The following TRIM23 variants were observed in gnomAD, a reference collection of about 807,000 sequenced individuals.
TRIM23 encodes the protein E3 ubiquitin-protein ligase TRIM23.
A neutral mutation model predicts 71.0 loss-of-function variants in TRIM23; 27 were observed. The ratio of observed to expected loss-of-function variants is 0.38; its 90% CI spans 0.28 to 0.52. TRIM23 has a LOEUF of 0.52. Among genes scored for constraint, TRIM23 ranks in the 20% least tolerant of loss-of-function variants. The pLI is 0.84. For missense variants in TRIM23, 482 were observed against 692.3 expected (o/e 0.70, Z 3.41); for synonymous variants, 234 against 238.0 (o/e 0.98, Z 0.16).
At chr5:65,603,606 GCTA>G (rs1380502657) in intron 7 of TRIM23, among the ~76,000 whole-genome samples, 1 of 152,164 alleles carries the variant, frequency 6.6e-6, no homozygotes, top group African/African-American at 2.4e-5. Context: ...AGGCATAAAA[GCTA>G]GATTTCTCTG....
intron 7 of TRIM23, 167 bp downstream of exon 7, chr5:65,604,744 T>C: frequency 1.9e-6 from 1 of 519,788 alleles, no homozygotes; most frequent in South Asian, 5.0e-5. Flanking sequence ...TTAGTATATG[T>C]GCTGCCGAAG....
intron 1 of TRIM23, among the ~76,000 whole-genome samples, chr5:65,622,731 G>T (rs1191255043): frequency 6.6e-6 from 1 of 152,080 alleles, no homozygotes; most frequent in Admixed American, 6.6e-5. Context: ...CACAGTTCAG[G>T]AATATTTTAC....
chr5:65,613,764 A>T, intron 3 of TRIM23: 1 of 1,233,418 alleles, frequency 8.1e-7, no homozygotes, highest in South Asian at 1.4e-5. Context: ...TTTACTGTTG[A>T]CTACTTTTGC....
At position 65,618,374 on chromosome 5, in the gene TRIM23, A is replaced by G. The variant is rs1022856514; in HGVS notation, c.82-119T>C. On this transcript the variant is annotated intron_variant, in intron 1 of 10. Coordinates refer to ENST00000231524, the MANE Select transcript of TRIM23 (RefSeq NM_001656.4). ...AACATTGTTACTTTATTCCTCTATG[A>G]AAAAAAAACTATGTAGGTTGTAAAA... 5.7e-6 allele frequency: 6 copies of G among 1,057,660 alleles called. No homozygotes were observed. In the African/African-American group the frequency reaches 8.3e-5, roughly 15 times the overall value. The allele number at this position is 1,057,660 out of a possible 1,614,324, so 65.5% of individuals were successfully genotyped here.
At chr5:65,615,344 A>G (rs1754751939) in intron 2 of TRIM23, among the ~76,000 whole-genome samples, 1 of 152,088 alleles carries the variant, frequency 6.6e-6, no homozygotes, top group Admixed American at 6.6e-5. Context: ...CAACATACAC[A>G]CTCTTCCTGA....
chr5:65,604,763 C>A, intron 7 of TRIM23, 148 bp downstream of exon 7: 2 of 639,232 alleles, frequency 3.1e-6, no homozygotes, highest in Non-Finnish European at 4.8e-6. Context: ...AGTGAGCACA[C>A]CATTTCTATT....
intron 6 of TRIM23, chr5:65,606,996 C>G (rs1160628943): frequency 6.6e-6 from 1 of 152,160 alleles, no homozygotes; most frequent in Non-Finnish European, 1.5e-5. Flanking sequence ...GTTAGCTACT[C>G]AATACATATT....
intron 3 of TRIM23, chr5:65,613,791 T>C (rs1754712499): frequency 3.1e-6 from 4 of 1,289,586 alleles, no homozygotes; most frequent in East Asian, 5.1e-5. Context: ...TTCTCTACTG[T>C]TGCTTACATA....
At chr5:65,612,662 TC>T (rs1356263365) in intron 3 of TRIM23, among the ~76,000 whole-genome samples, 1 of 151,814 alleles carries the variant, frequency 6.6e-6, no homozygotes, top group African/African-American at 2.4e-5. Context: ...CTACTAAACA[TC>T]CAAAAATTAG....
rs758438496 is a variant in TRIM23 at position 65,611,837 on chromosome 5, TAC to T, written c.409_410del (p.Val137IlefsTer12). ...AATGAGTTGCACACACAGTGCAATA[TAC>T]AGAGGCAAGGTGAGCTTCATCTTCA... The part of the protein sequence containing the change: ...CDEDEAHLAS[V>X]YCTVCATHLC... On this transcript the variant is annotated frameshift_variant, in exon 4 of 11. Coordinates refer to ENST00000231524, the MANE Select transcript of TRIM23 (RefSeq NM_001656.4). LOFTEE classifies it high-confidence loss of function. 2 of 1,614,086 alleles carry T rather than the reference TAC, an allele frequency of 1.2e-6. No individual in the cohort carries two copies. The highest frequency in any genetic ancestry group is 1.7e-6 in the Non-Finnish European group (2 of 1,179,946).
intron 5 of TRIM23, among the ~76,000 whole-genome samples, 187 bp from the exon 6 acceptor site, chr5:65,609,645 G>C (rs540583851): frequency 6.6e-6 from 1 of 152,120 alleles, no homozygotes; most frequent in Non-Finnish European, 1.5e-5. Context: ...CGGGAGGATT[G>C]ATTGAGCCCC....
intron 7 of TRIM23, chr5:65,604,655 A>T (rs1444876307): frequency 1.3e-5 from 4 of 299,816 alleles, no homozygotes; most frequent in Non-Finnish European, 2.4e-5. Context: ...TTACTTTTTT[A>T]AATTTAAAAA....
chr5:65,615,459 T>A (rs2150639946), intron 2 of TRIM23, among the ~76,000 whole-genome samples: 1 of 152,182 alleles, frequency 6.6e-6, no homozygotes, highest in South Asian at 2.1e-4. Context: ...TACATATTCA[T>A]TAAATGAATA....
intron 9 of TRIM23, among the ~76,000 whole-genome samples, chr5:65,595,725 C>A (rs1482707920): frequency 6.7e-6 from 1 of 149,148 alleles, no homozygotes. Context: ...GATTCTGTCT[C>A]AAAAAAAAAA....
At chr5:65,598,784 G>A (rs144162934) in intron 7 of TRIM23, among the ~76,000 whole-genome samples, 6 of 151,066 alleles carry the variant, frequency 4.0e-5, no homozygotes, top group Admixed American at 2.0e-4. Flanking sequence ...GGGATTGTAC[G>A]CCATGACCAA....
rs1754458727 is a variant in TRIM23, at chr5:65,605,017, T to A, written c.1073A>T (p.Gln358Leu). ...TGTTTCCAGTAACCTTGTAATTTCC[T>A]GTTTTGCCAAGACAACTCTACAATC... ...QDDCRVVLAKQEITRLLETLQ... is the reference protein window; with the variant it reads ...QDDCRVVLAKLEITRLLETLQ... The change falls in exon 7 of 11, where the codon CAG becomes CTG. Residue 358 changes from glutamine (Q) to leucine (L), a missense_variant. Physicochemically the swap from Gln to Leu is moderately radical, Grantham distance 113. Coordinates refer to ENST00000231524, the MANE Select transcript of TRIM23 (RefSeq NM_001656.4). The A allele has an allele frequency of 6.2e-7, 1 of 1,613,582 alleles. No individual in the cohort carries two copies. The highest frequency in any genetic ancestry group is 8.5e-7 in the Non-Finnish European group (1 of 1,179,944).
At position 65,618,085 on chromosome 5, in the gene TRIM23, T is replaced by C. The variant is rs755833334; in HGVS notation, c.244+8A>G. 3 of 1,588,358 alleles carry C rather than the reference T, an allele frequency of 1.9e-6. No homozygotes were observed. The South Asian group carries it at 3.4e-5, about 18-fold the overall frequency. On this transcript the variant is annotated splice_region_variant and intron_variant, in intron 2 of 10. Transcript: ENST00000231524. ...TCAATCTTAAATCCATACAAATACT[T>C]TTCCTACCTAGGTCTGTTACTTGTC...
intron 6 of TRIM23, among the ~76,000 whole-genome samples, chr5:65,608,933 C>T (rs1279916381): frequency 6.7e-6 from 1 of 148,478 alleles, no homozygotes; most frequent in East Asian, 2.0e-4. Flanking sequence ...GAGATATATG[C>T]ACTCCAAGCA....
intron 2 of TRIM23, among the ~76,000 whole-genome samples, chr5:65,617,238 C>T (rs1376175111): frequency 6.6e-6 from 1 of 152,088 alleles, no homozygotes; most frequent in African/African-American, 2.4e-5. Context: ...TTTTCTTTCT[C>T]CAGAAAATAT....
Sources: allele counts gnomAD v4.1 joint callset (sites outside exome capture counted in the v4.1 genomes callset), GRCh38; gene constraint gnomAD v4.1.1; transcripts MANE v1.5; gene names NCBI Gene and HGNC (gene_info 2026-07-23, HGNC 2026-07-21).